Variants in MINDY2 observed in about 807,000 individuals in gnomAD.
The protein encoded by MINDY2 is ubiquitin carboxyl-terminal hydrolase MINDY-2.
In MINDY2, 52 loss-of-function variants were observed where a neutral mutation model predicts 68.2. The observed-to-expected ratio is 0.76, with a 90% CI of 0.61 to 0.96. MINDY2 has a LOEUF of 0.96. Ranked by LOEUF, MINDY2 falls within the 40% of genes least tolerant of loss-of-function variation. The probability of loss-of-function intolerance (pLI) is 0.00; values close to 1 mark genes in which losing one functional copy is unlikely to be tolerated. For missense variants in MINDY2, 881 were observed against 773.4 expected (o/e 1.14, Z -1.65); for synonymous variants, 372 against 303.0 (o/e 1.23, Z -2.36).
At chr15:58,825,296 C>G (rs375595054) in intron 5 of MINDY2, among the ~76,000 whole-genome samples, 2 of 152,112 alleles carry the variant, frequency 1.3e-5, no homozygotes, top group Non-Finnish European at 1.5e-5. Flanking sequence ...TTCCTTGATT[C>G]TAATGCCTTA....
chr15:58,824,320 G>C (rs1451895141), intron 5 of MINDY2, among the ~76,000 whole-genome samples: 1 of 152,004 alleles, frequency 6.6e-6, no homozygotes, highest in African/African-American at 2.4e-5. Context: ...TGATAATTTA[G>C]GAAGAACATC....
At chr15:58,784,619 C>CTTTTTTTT (rs1901362783) in intron 1 of MINDY2, among the ~76,000 whole-genome samples, 1 of 144,160 alleles carries the variant, frequency 6.9e-6, no homozygotes. Context: ...TTCTTTCTTT[C>CTTTTTTTT]CTTTTTTTTT....
At chr15:58,804,569 A>T (rs1902890803) in intron 3 of MINDY2, among the ~76,000 whole-genome samples, 1 of 152,172 alleles carries the variant, frequency 6.6e-6, no homozygotes, top group Admixed American at 6.5e-5. Flanking sequence ...GCACTTTGGG[A>T]GGCCAAAGCA....
At chr15:58,849,172 T>G (rs2032690589) in intron 7 of MINDY2, among the ~76,000 whole-genome samples, 1 of 148,780 alleles carries the variant, frequency 6.7e-6, no homozygotes, top group Non-Finnish European at 1.5e-5. Context: ...ATCATGCCAT[T>G]GCACTCCAAC....
At chr15:58,787,615 T>C (rs1901593490) in intron 1 of MINDY2, among the ~76,000 whole-genome samples, 1 of 151,538 alleles carries the variant, frequency 6.6e-6, no homozygotes, top group Non-Finnish European at 1.5e-5. Flanking sequence ...TGGGTGCCTG[T>C]AGTCCCAGCT....
chr15:58,773,171 C>T (rs984861378), intron 1 of MINDY2, among the ~76,000 whole-genome samples: 11 of 151,834 alleles, frequency 7.2e-5, no homozygotes, highest in African/African-American at 2.7e-4. Flanking sequence ...TGGTGGTGTG[C>T]GCCTGTAATC....
intron 5 of MINDY2, among the ~76,000 whole-genome samples, chr15:58,822,863 G>A (rs900604917): frequency 3.9e-5 from 6 of 152,110 alleles, no homozygotes; most frequent in Non-Finnish European, 7.4e-5. Flanking sequence ...ATGAGAAGTA[G>A]GGCATGAGTT....
Position 58,771,422 on chromosome 15 carries a change from G to A in MINDY2, c.27G>A (p.Gln9=), listed in dbSNP as rs1420682105. The change falls in exon 1 of 9, where the codon CAG becomes CAA. Residue 9 remains glutamine (Q), a synonymous_variant. Coordinates refer to ENST00000559228, the MANE Select transcript of MINDY2 (RefSeq NM_001040450.3). MESSPESL[Q]PLEHGVAAGP... ...TGGAGAGCAGCCCCGAGAGCCTGCA[G>A]CCGCTAGAACACGGGGTGGCGGCCG... is the stretch of plus-strand genomic sequence containing the variant. 15 of 1,611,764 alleles carry A rather than the reference G, an allele frequency of 9.3e-6. No homozygotes were observed. Among genetic ancestry groups the A allele is most frequent in the Non-Finnish European group, 1.2e-5 (14 of 1,179,546 alleles).
chr15:58,780,865 C>T (rs549907481), intron 1 of MINDY2, among the ~76,000 whole-genome samples: 99 of 152,288 alleles, frequency 6.5e-4, no homozygotes, highest in African/African-American at 2.2e-3. Context: ...GCCTTTATCT[C>T]TCACCTGGAC....
chr15:58,811,735 A>G (rs1035239204), intron 4 of MINDY2, among the ~76,000 whole-genome samples: 1 of 152,200 alleles, frequency 6.6e-6, no homozygotes, highest in Non-Finnish European at 1.5e-5. Context: ...TCAACTGATT[A>G]TTAGAGAGTA....
intron 2 of MINDY2, among the ~76,000 whole-genome samples, chr15:58,789,034 T>C (rs1360204562): frequency 6.7e-6 from 1 of 149,040 alleles, no homozygotes; most frequent in African/African-American, 2.5e-5. Context: ...ATATTTTATT[T>C]TTAAAAAATC....
rs2033225051 is a variant in MINDY2, at chr15:58,861,795, G to A, written c.*7185G>A. On this transcript the variant is annotated 3_prime_UTR_variant, in exon 9 of 9. Transcript: ENST00000559228. ...GTGTCATTGTTGGGTTAAAATGTTG[G>A]CTGTTTTTGTTAATATACTTAAAAC... 1 of 152,084 alleles carries A rather than the reference G, an allele frequency of 6.6e-6. No individual in the cohort carries two copies. Among genetic ancestry groups the A allele is most frequent in the Non-Finnish European group, 1.5e-5 (1 of 68,026 alleles). The allele number at this position is 152,084 out of a possible 1,614,324, so 9.4% of individuals were successfully genotyped here. A position where few individuals can be genotyped will look rare whatever the true frequency, so the allele number is the denominator to read the frequency against.
At chr15:58,787,163 T>G (rs1901560836) in intron 1 of MINDY2, among the ~76,000 whole-genome samples, 1 of 147,872 alleles carries the variant, frequency 6.8e-6, no homozygotes, top group Non-Finnish European at 1.5e-5. Context: ...TTTTTTTTTT[T>G]TACTCTGTTG....
intron 5 of MINDY2, among the ~76,000 whole-genome samples, chr15:58,831,041 G>GTGTGTGTGTATATATATATATATA (rs565786025): frequency 2.4e-5 from 3 of 124,904 alleles, no homozygotes; most frequent in African/African-American, 1.0e-4. Flanking sequence ...GTGTGTGTGT[G>GTGTGTGTGTATATATATATATATA]TATATATATA....
intron 1 of MINDY2, among the ~76,000 whole-genome samples, chr15:58,786,432 G>A (rs1471690877): frequency 6.6e-6 from 1 of 152,170 alleles, no homozygotes; most frequent in Non-Finnish European, 1.5e-5. Context: ...GTCACTGTCA[G>A]CTAAAGTATT....
chr15:58,801,061 C>T (rs1216078715), intron 2 of MINDY2, among the ~76,000 whole-genome samples: 1 of 151,998 alleles, frequency 6.6e-6, no homozygotes, highest in Non-Finnish European at 1.5e-5. Flanking sequence ...GCAACCTCCA[C>T]CTCCTGGGTT....
At chr15:58,786,978 C>T (rs1022739745) in intron 1 of MINDY2, among the ~76,000 whole-genome samples, 5 of 152,080 alleles carry the variant, frequency 3.3e-5, no homozygotes, top group South Asian at 2.1e-4. Context: ...TATAAGCATG[C>T]GCCACCATGC....
In MINDY2 at chr15:58,778,852, G is replaced by A. The variant is rs547349784; in HGVS notation, c.840+6617G>A. Among the ~76,000 whole-genome samples the A allele has an allele frequency of 1.3e-3, 162 of 125,440 alleles. 2 individuals are homozygous for A. The highest frequency in any genetic ancestry group is 4.9e-3 in the African/African-American group (154 of 31,230). The allele number at this position is 125,440 out of a possible 152,430, so 82.3% of individuals were successfully genotyped here. On this transcript the variant is annotated intron_variant, in intron 1 of 8. Transcript: ENST00000559228. ...TTTTGAGACGGAATCTCATTTAGTC[G>A]CCCAGGCTGGAGTGCAGTGGCACGA... is the stretch of plus-strand genomic sequence containing the variant.
chr15:58,845,268 T>C (rs932917857), intron 6 of MINDY2, among the ~76,000 whole-genome samples: 3 of 152,036 alleles, frequency 2.0e-5, no homozygotes, highest in Non-Finnish European at 4.4e-5. Context: ...TAGCCAGGTG[T>C]GATGGTGGGT....
Sources: allele counts gnomAD v4.1 joint callset (sites outside exome capture counted in the v4.1 genomes callset), GRCh38; gene constraint gnomAD v4.1.1; transcripts MANE v1.5; gene names NCBI Gene and HGNC (gene_info 2026-07-23, HGNC 2026-07-21).